Variants in LHPP observed in about 807,000 individuals in gnomAD.
LHPP encodes hLHPP.
LHPP carries 24 observed loss-of-function variants against 30.3 expected under a neutral mutation model. The ratio of observed to expected loss-of-function variants is 0.79; its 90% confidence interval spans 0.57 to 1.11. LHPP has a LOEUF of 1.11. Ranked by LOEUF, LHPP falls within the 50% of genes most tolerant of loss-of-function variation. LHPP has a pLI of 0.00. For synonymous variants in LHPP, 150 were observed against 157.1 expected, an observed-to-expected ratio of 0.95 and a Z score of 0.34; for missense variants, 356 against 367.2, an observed-to-expected ratio of 0.97 and a Z score of 0.25.
chr10:124,582,538 A>G (rs746758033), intron 6 of LHPP, among the ~76,000 whole-genome samples: 1 of 151,316 alleles, frequency 6.6e-6, no homozygotes, highest in South Asian at 2.1e-4. Flanking sequence ...CTTGCTGCCT[A>G]TGCAGTAGAA....
intron 3 of LHPP, among the ~76,000 whole-genome samples, chr10:124,492,597 A>C (rs866772548): frequency 1.3e-5 from 2 of 152,222 alleles, no homozygotes; most frequent in Admixed American, 6.5e-5. Context: ...TCACCGATTT[A>C]AATGTTAATC....
intron 6 of LHPP, among the ~76,000 whole-genome samples, chr10:124,518,866 T>C (rs1399564711): frequency 6.6e-6 from 1 of 152,210 alleles, no homozygotes; most frequent in Non-Finnish European, 1.5e-5. Context: ...GTTACCTGCA[T>C]GCTATTTAAA....
rs936389399 is a variant in LHPP, at chr10:124,592,840, C to T, written c.717-20424C>T. Among the ~76,000 whole-genome samples, 2 of 152,244 alleles carry T rather than the reference C, an allele frequency of 1.3e-5. No individual in the cohort carries two copies. Among genetic ancestry groups the T allele is most frequent in the Admixed American group, 6.5e-5 (1 of 15,290 alleles). On this transcript the variant is annotated intron_variant, in intron 6 of 6. Transcript: ENST00000368842. The surrounding 1 kb of genome is among the most constrained non-coding windows in gnomAD (Gnocchi z 6.2). ...GATTCCGTCTAGGAATCGTCCAGGGCGCGGCAGCCCGCCAGGAGCCCGGGC... is the reference window on the plus strand; with the variant it reads ...GATTCCGTCTAGGAATCGTCCAGGGTGCGGCAGCCCGCCAGGAGCCCGGGC...
At chr10:124,506,126 G>C (rs995847531) in intron 5 of LHPP, among the ~76,000 whole-genome samples, 4 of 152,102 alleles carry the variant, frequency 2.6e-5, no homozygotes, top group Non-Finnish European at 4.4e-5. Flanking sequence ...GCACATGCCT[G>C]TGGTCCCAGC....
intron 6 of LHPP, among the ~76,000 whole-genome samples, chr10:124,601,748 G>A (rs897200639): frequency 2.6e-5 from 4 of 152,210 alleles, no homozygotes; most frequent in Admixed American, 6.5e-5. Context: ...CAAGGTTCAC[G>A]GCAAAAACCC....
At chr10:124,508,401 G>A (rs1954216309) in intron 5 of LHPP, among the ~76,000 whole-genome samples, 1 of 152,188 alleles carries the variant, frequency 6.6e-6, no homozygotes, top group Non-Finnish European at 1.5e-5. Context: ...CTGCAGCCCT[G>A]GTTTGAATTG....
intron 6 of LHPP, among the ~76,000 whole-genome samples, chr10:124,527,726 C>T (rs1954778385): frequency 6.6e-6 from 1 of 152,166 alleles, no homozygotes; most frequent in Admixed American, 6.5e-5. Flanking sequence ...AGACCCAGTC[C>T]CCTGCCGCGT....
chr10:124,493,545 C>G (rs753005733), intron 3 of LHPP, among the ~76,000 whole-genome samples: 1 of 152,188 alleles, frequency 6.6e-6, no homozygotes, highest in Admixed American at 6.5e-5. Flanking sequence ...TCTGTCATGC[C>G]GCTCTCAGAA....
At chr10:124,462,856 C>T (rs1036269507) in intron 1 of LHPP, among the ~76,000 whole-genome samples, 1 of 152,028 alleles carries the variant, frequency 6.6e-6, no homozygotes, top group Non-Finnish European at 1.5e-5. Context: ...CGCCATCATG[C>T]CCAGTTACTT....
At chr10:124,527,433 G>T (rs1711911364) in intron 6 of LHPP, among the ~76,000 whole-genome samples, 1 of 152,204 alleles carries the variant, frequency 6.6e-6, no homozygotes, top group African/African-American at 2.4e-5. Context: ...CTGTGTCATG[G>T]GTGGGTCCCA....
chr10:124,520,569 T>C (rs1204127542), intron 6 of LHPP, among the ~76,000 whole-genome samples: 2 of 152,250 alleles, frequency 1.3e-5, no homozygotes, highest in Non-Finnish European at 2.9e-5. Flanking sequence ...GTCAGACCTT[T>C]TGATTTGTTT....
chr10:124,527,438 G>A (rs1395441713), intron 6 of LHPP, among the ~76,000 whole-genome samples: 1 of 152,214 alleles, frequency 6.6e-6, no homozygotes, highest in Non-Finnish European at 1.5e-5. Context: ...TCATGGGTGG[G>A]TCCCAGGATG....
intron 6 of LHPP, among the ~76,000 whole-genome samples, chr10:124,584,304 G>A (rs972398279): frequency 6.7e-6 from 1 of 150,266 alleles, no homozygotes; most frequent in Non-Finnish European, 1.5e-5. Context: ...GGTCAAGGCA[G>A]CAGTGAACCA....
At chr10:124,537,964 C>T (rs1035755473) in intron 6 of LHPP, among the ~76,000 whole-genome samples, 2 of 152,250 alleles carry the variant, frequency 1.3e-5, no homozygotes, top group Non-Finnish European at 2.9e-5. Flanking sequence ...CTTGGGGGTT[C>T]GGTGGTGTCC....
At chr10:124,485,075 T>G (rs1390975211) in intron 2 of LHPP, among the ~76,000 whole-genome samples, 1 of 152,132 alleles carries the variant, frequency 6.6e-6, no homozygotes, top group African/African-American at 2.4e-5. Flanking sequence ...CATGGTTTTT[T>G]CCTTTCCAGG....
At chr10:124,499,951 C>T (rs1424307066) in intron 5 of LHPP, among the ~76,000 whole-genome samples, 2 of 152,006 alleles carry the variant, frequency 1.3e-5, no homozygotes, top group Non-Finnish European at 2.9e-5. Flanking sequence ...TCACATTAGT[C>T]TGTTGAGAAG....
At chr10:124,493,572 C>CGACA (rs1249594636) in intron 3 of LHPP, 3 of 152,194 alleles carry the variant, frequency 2.0e-5, no homozygotes, top group Non-Finnish European at 4.4e-5. Flanking sequence ...GCTGTTTACC[C>CGACA]GACAGACTAT....
In LHPP at chr10:124,592,995, C is replaced by T. The variant is rs963280394; in HGVS notation, c.717-20269C>T. Among the ~76,000 whole-genome samples the T allele has an allele frequency of 3.4e-4, 51 of 152,172 alleles. No individual in the cohort carries two copies. The highest frequency in any genetic ancestry group is 3.3e-3 in the Admixed American group (50 of 15,276). On this transcript the variant is annotated intron_variant, in intron 6 of 6. Transcript: ENST00000368842. The surrounding 1 kb of genome is among the most constrained non-coding windows in gnomAD (Gnocchi z 6.2). ...GCTTTGACAGTTTATGAGGTGATGA[C>T]GTTGCAGCTATGATTGATGAGGTGG...
chr10:124,598,449 G>A (rs1948978485), intron 6 of LHPP, among the ~76,000 whole-genome samples: 1 of 152,210 alleles, frequency 6.6e-6, no homozygotes, highest in African/African-American at 2.4e-5. Flanking sequence ...GGCCTGGCTG[G>A]GCGTGGCCTT....
Sources: gnomAD v4.1 joint callset for allele counts (sites outside exome capture counted in the v4.1 genomes callset) on GRCh38, gnomAD v4.1.1 for gene constraint, Gnocchi (gnomAD v3.1) non-coding constraint, MANE v1.5 for transcripts, NCBI Gene and HGNC (gene_info 2026-07-23, HGNC 2026-07-21) for gene names.